Variants in NIPBL observed in about 807,000 individuals in gnomAD.
NIPBL encodes the protein NIPBL cohesin loading factor.
A neutral mutation model predicts 321.8 loss-of-function variants in NIPBL; 19 were observed. That is an observed-to-expected ratio of 0.06 (90% CI 0.04 to 0.09). The LOEUF is 0.09. Ranked by LOEUF, NIPBL falls within the 10% of genes least tolerant of loss-of-function variation. The pLI is 1.00. For missense variants in NIPBL, 2,210 were observed against 3,327.0 expected, an observed-to-expected ratio of 0.66 and a Z score of 8.26; for synonymous variants, 1,106 against 1,114.1, an observed-to-expected ratio of 0.99 and a Z score of 0.14.
rs149186951 is a variant in NIPBL, at chr5:37,048,557, A to G, written c.6645A>G (p.Leu2215=). The stretch of plus-strand genomic sequence containing the variant: ...TGTTCGAGCAAGAAGTGAAGAATCT[A>G]TATAATAATATTTTATCTGATAAGA... ...SLMFEQEVKN[L]YNNILSDKNS... Residue 2215 remains leucine, a synonymous_variant, in exon 39 of 47, where the codon CTA becomes CTG. Transcript: ENST00000282516. 1.5e-4 allele frequency: 245 copies of G among 1,589,810 alleles called. No individual in the cohort carries two copies. The highest frequency in any genetic ancestry group is 1.5e-4 in the Non-Finnish European group (180 of 1,166,898).
chr5:36,887,934 C>T (rs558713226), intron 1 of NIPBL, among the ~76,000 whole-genome samples: 1 of 152,282 alleles, frequency 6.6e-6, no homozygotes, highest in South Asian at 2.1e-4. Flanking sequence ...TTAATGTTTT[C>T]ACTATCAACT....
chr5:36,882,654 C>A (rs567742237), intron 1 of NIPBL, among the ~76,000 whole-genome samples: 1 of 151,876 alleles, frequency 6.6e-6, no homozygotes, highest in African/African-American at 2.4e-5. Flanking sequence ...GGTAGCAAAC[C>A]TAGCAAGTGT....
At chr5:36,979,547 TTCC>T (rs1189223084) in intron 9 of NIPBL, among the ~76,000 whole-genome samples, 3 of 151,802 alleles carry the variant, frequency 2.0e-5, no homozygotes, top group African/African-American at 7.2e-5. Context: ...ATAATTTGAC[TTCC>T]TCTTTTCCTA....
At chr5:36,887,278 A>G (rs1745985671) in intron 1 of NIPBL, among the ~76,000 whole-genome samples, 1 of 152,216 alleles carries the variant, frequency 6.6e-6, no homozygotes, top group Non-Finnish European at 1.5e-5. Flanking sequence ...TACAGCACAT[A>G]GAAACTAGAA....
At chr5:37,000,274 A>C in intron 11 of NIPBL, 99 bp from the exon 12 acceptor site, 3 of 1,138,346 alleles carry the variant, frequency 2.6e-6, no homozygotes, top group Non-Finnish European at 3.8e-6. Context: ...GACCCTATGG[A>C]ATGAAGATTT....
chr5:36,941,063 A>G (rs1449596503), intron 1 of NIPBL, among the ~76,000 whole-genome samples: 1 of 152,188 alleles, frequency 6.6e-6, no homozygotes, highest in African/African-American at 2.4e-5. Flanking sequence ...GATAGTGAAT[A>G]CATAAAGGTT....
intron 19 of NIPBL, 114 bp from the exon 20 acceptor site, chr5:37,008,509 A>G: frequency 1.5e-6 from 1 of 683,826 alleles, no homozygotes. Flanking sequence ...CTTACCTTAG[A>G]TACTGAAAAC....
At chr5:37,042,461 G>A (rs1367657424) in intron 34 of NIPBL, among the ~76,000 whole-genome samples, 12 of 150,706 alleles carry the variant, frequency 8.0e-5, no homozygotes, top group Admixed American at 5.3e-4. Flanking sequence ...AATCTATGCC[G>A]GTAATCCATT....
chr5:36,962,056 C>G, intron 5 of NIPBL, 67 bp from the exon 6 acceptor site: 1 of 1,566,590 alleles, frequency 6.4e-7, no homozygotes, highest in Non-Finnish European at 8.8e-7. Context: ...TTGTGACAGT[C>G]AGATTTCAAG....
intron 10 of NIPBL, among the ~76,000 whole-genome samples, chr5:36,986,912 G>C (rs928568537): frequency 1.3e-5 from 2 of 152,082 alleles, no homozygotes; most frequent in Non-Finnish European, 2.9e-5. Context: ...TTTTTGCATG[G>C]TTTCTGAATT....
rs541502662 is a variant in NIPBL, at chr5:36,946,558, A to G, written c.-79-7060A>G. Among the ~76,000 whole-genome samples, 118 of 136,710 alleles carry G rather than the reference A, an allele frequency of 8.6e-4. 1 individual carries two copies. The highest frequency in any genetic ancestry group is 3.1e-3 in the African/African-American group (107 of 34,374). The allele number at this position is 136,710 out of a possible 152,430, so 89.7% of individuals were successfully genotyped here. On this transcript the variant is annotated intron_variant, in intron 1 of 46. Transcript: ENST00000282516. The stretch of plus-strand genomic sequence containing the variant: ...GCTCAAAAACAGTGTGTGTGTGTGT[A>G]TATATATGCATGTGTCTGTGTGTGT...
chr5:36,948,259 C>A (rs1352290693), intron 1 of NIPBL, among the ~76,000 whole-genome samples: 5 of 151,826 alleles, frequency 3.3e-5, no homozygotes, highest in South Asian at 2.1e-4. Context: ...TAATTGGATG[C>A]CTCATGAAGG....
At chr5:36,998,877 C>T (rs1328716925) in intron 11 of NIPBL, among the ~76,000 whole-genome samples, 2 of 152,122 alleles carry the variant, frequency 1.3e-5, no homozygotes, top group African/African-American at 4.8e-5. Flanking sequence ...ACAGTCCTAT[C>T]ACTCTTCACA....
chr5:36,963,644 A>G (rs1455922447), intron 6 of NIPBL, among the ~76,000 whole-genome samples: 2 of 152,052 alleles, frequency 1.3e-5, no homozygotes, highest in Non-Finnish European at 2.9e-5. Flanking sequence ...TCTACAAAAA[A>G]AAAAAAAATT....
At chr5:36,990,314 G>C (rs1049913112) in intron 10 of NIPBL, among the ~76,000 whole-genome samples, 1 of 152,122 alleles carries the variant, frequency 6.6e-6, no homozygotes, top group Admixed American at 6.6e-5. Context: ...TCATCAGCTG[G>C]TTGCCTTTTA....
At chr5:36,991,669 C>G (rs1483807057) in intron 10 of NIPBL, among the ~76,000 whole-genome samples, 1 of 151,336 alleles carries the variant, frequency 6.6e-6, no homozygotes, top group African/African-American at 2.4e-5. Flanking sequence ...AGTTGAAGAT[C>G]CATTTGGTGC....
At position 36,984,990 on chromosome 5, in the gene NIPBL, T is replaced by C; in HGVS notation, c.1810T>C (p.Ser604Pro). 1.9e-6 allele frequency: 3 copies of C among 1,613,844 alleles called. No homozygotes were observed. The highest frequency in any genetic ancestry group is 1.3e-5 in the African/African-American group (1 of 75,024). The change falls in exon 10 of 47, where the codon TCT (serine) becomes CCT (proline). Residue 604 changes from serine (S) to proline (P), a missense_variant. Coordinates refer to ENST00000282516, the MANE Select transcript of NIPBL (RefSeq NM_133433.4). Reference protein sequence around the residue: ...ENHPETPKKKSDPELSKSEMK... With the variant: ...ENHPETPKKKPDPELSKSEMK... ...CCATCCTGAGACACCTAAAAAAAAGTCTGATCCTGAGCTTTCAAAGAGTGA... is the reference window on the plus strand; with the variant it reads ...CCATCCTGAGACACCTAAAAAAAAGCCTGATCCTGAGCTTTCAAAGAGTGA...
chr5:36,906,166 C>G (rs986177343), intron 1 of NIPBL, among the ~76,000 whole-genome samples: 2 of 151,832 alleles, frequency 1.3e-5, no homozygotes, highest in Non-Finnish European at 2.9e-5. Context: ...GAGAACAACC[C>G]GAAAATAAAA....
intron 1 of NIPBL, among the ~76,000 whole-genome samples, chr5:36,877,405 G>A (rs565866136): frequency 3.2e-4 from 48 of 152,312 alleles, no homozygotes; most frequent in Non-Finnish European, 6.2e-4. Flanking sequence ...CCTGCTGGGC[G>A]GCCGGGGAGG....
Sources: gnomAD v4.1 joint callset for allele counts (sites outside exome capture counted in the v4.1 genomes callset) on GRCh38, gnomAD v4.1.1 for gene constraint, MANE v1.5 for transcripts, NCBI Gene and HGNC (gene_info 2026-07-23, HGNC 2026-07-21) for gene names.